The following CFAP410 variants were observed in gnomAD, a reference collection of about 807,000 sequenced individuals.
CFAP410 encodes the protein cilia- and flagella-associated protein 410.
A neutral mutation model predicts 25.7 loss-of-function variants in CFAP410; 27 were observed. The ratio of observed to expected loss-of-function variants is 1.05; its 90% CI spans 0.77 to 1.45. The LOEUF (loss-of-function observed/expected upper bound fraction) is 1.45, where lower values mean the gene tolerates loss of function less well. Among genes scored for constraint, CFAP410 ranks in the 40% most tolerant of loss-of-function variants. The probability of loss-of-function intolerance (pLI) is 0.00; values close to 1 mark genes in which losing one functional copy is unlikely to be tolerated. For synonymous variants in CFAP410, 178 were observed against 158.4 expected (o/e 1.12, Z -0.93); for missense variants, 428 against 354.1 (o/e 1.21, Z -1.67).
At chr21:44,331,705 GAACA>G in intron 5 of CFAP410, 134 bp downstream of exon 5, 1 of 794,538 alleles carries the variant, frequency 1.3e-6, no homozygotes, top group Non-Finnish European at 1.9e-6. Flanking sequence ...ATATGGATGA[GAACA>G]GACACTCCCC....
rs1443481081 is a variant in CFAP410 at position 44,329,308 on chromosome 21, G to A, written c.*890C>T. 6.6e-6 allele frequency: 1 copy of A among 152,364 alleles called. No homozygotes were observed. Among genetic ancestry groups the A allele is most frequent in the Non-Finnish European group, 1.5e-5 (1 of 68,066 alleles). 9.4% of individuals were successfully genotyped at this position (152,364 alleles called of 1,614,324 possible). A position where few individuals can be genotyped will look rare whatever the true frequency, so the allele number is the denominator to read the frequency against. On this transcript the variant is annotated 3_prime_UTR_variant, in exon 7 of 7. Coordinates refer to ENST00000339818, the MANE Select transcript of CFAP410 (RefSeq NM_004928.3). ...GGAGATCTGGATCTCAACCCCACATGGGACAAGGGCCCAGGGACCTGGCTT... is the reference window on the plus strand; with the variant it reads ...GGAGATCTGGATCTCAACCCCACATAGGACAAGGGCCCAGGGACCTGGCTT...
intron 1 of CFAP410, 21 bp downstream of exon 1, chr21:44,339,097 C>T: frequency 1.4e-6 from 2 of 1,410,522 alleles, no homozygotes; most frequent in Non-Finnish European, 1.9e-6. Context: ...CCGGGGCGGC[C>T]GCGGCCAGGC....
At chr21:44,338,471 C>A in intron 1 of CFAP410, 1 of 412,282 alleles carries the variant, frequency 2.4e-6, no homozygotes, top group Non-Finnish European at 4.7e-6. Flanking sequence ...ACCGCACCCA[C>A]GTCCCTTCCT....
Position 44,339,313 on chromosome 21 carries a change from C to T in CFAP410, c.-119G>A. ...GCGTCGTCAGGGGCGGATCCTGAGC[C>T]GATTGGCGGCTCGGTGAGGAGAGCG... On this transcript the variant is annotated 5_prime_UTR_variant, in exon 1 of 7. Coordinates refer to ENST00000339818, the MANE Select transcript of CFAP410 (RefSeq NM_004928.3). 1.8e-6 allele frequency: 1 copy of T among 568,552 alleles called. No individual in the cohort carries two copies. Among genetic ancestry groups the T allele is most frequent in the Non-Finnish European group, 2.8e-6 (1 of 361,208 alleles). The allele number at this position is 568,552 out of a possible 1,614,324, so 35.2% of individuals were successfully genotyped here.
chr21:44,339,163 C>T lies in CFAP410; in HGVS notation c.32G>A (p.Arg11Gln), dbSNP rs1048770086. MKLTRKMVLT[R>Q]AKASELHSVR... Reference sequence around the variant, plus strand: ...GCTGTGCAGCTCCGAGGCCTTGGCCCGGGTCAGAACCATCTTCCGCGTCAG... The same window carrying T: ...GCTGTGCAGCTCCGAGGCCTTGGCCTGGGTCAGAACCATCTTCCGCGTCAG... The change falls in exon 1 of 7, where the codon CGG (arginine) becomes CAG (glutamine). Residue 11 changes from arginine (R) to glutamine (Q), a missense_variant. By Grantham distance (43) the Arg-to-Gln change is conservative. Coordinates refer to ENST00000339818, the MANE Select transcript of CFAP410 (RefSeq NM_004928.3). 4.1e-6 allele frequency: 6 copies of T among 1,472,122 alleles called. No homozygotes were observed. In the African/African-American group the frequency reaches 4.4e-5, roughly 11 times the overall value. The allele number at this position is 1,472,122 out of a possible 1,614,324, so 91.2% of individuals were successfully genotyped here.
intron 1 of CFAP410, chr21:44,338,734 G>GC (rs527366002): frequency 0.3 from 19,768 of 65,890 alleles, 4,366 homozygotes; most frequent in African/African-American, 0.52. Flanking sequence ...CGCCGCCCTC[G>GC]CCCCTGCCCC....
chr21:44,337,764 C>G, intron 1 of CFAP410, 97 bp from the exon 2 acceptor site: 1 of 974,508 alleles, frequency 1.0e-6, no homozygotes, highest in Non-Finnish European at 1.6e-6. Flanking sequence ...TCCCTACAAA[C>G]CTTAAGATTC....
chr21:44,337,643 A>T lies in CFAP410; in HGVS notation c.96+6T>A, dbSNP rs758835278. On this transcript the variant is annotated splice_donor_region_variant and intron_variant, in intron 2 of 6. Transcript: ENST00000339818. ...GCAATACTTACATCTGTGAGGCAAT[A>T]CTTACATCTGTGAGGCGGCTGCCCC... is the stretch of plus-strand genomic sequence containing the variant. 80 of 1,612,272 alleles carry T rather than the reference A, an allele frequency of 5.0e-5. No individual in the cohort carries two copies. The highest frequency in any genetic ancestry group is 6.7e-5 in the Non-Finnish European group (79 of 1,178,608).
At chr21:44,333,602 CAT>C (rs1176273708) in intron 3 of CFAP410, 9 of 428,886 alleles carry the variant, frequency 2.1e-5, no homozygotes, top group Non-Finnish European at 3.8e-5. Context: ...TCTCAGGGGA[CAT>C]ATCATGTTGC....
intron 3 of CFAP410, chr21:44,335,358 C>A (rs572979996): frequency 7.3e-5 from 18 of 248,272 alleles, no homozygotes; most frequent in Non-Finnish European, 1.3e-4. Context: ...CAGAAGAGGC[C>A]AGGACTCTGG....
At position 44,332,170 on chromosome 21, in the gene CFAP410, C is replaced by T. The variant is rs1055613435; in HGVS notation, c.374-156G>A. On this transcript the variant is annotated intron_variant, in intron 4 of 6. Transcript: ENST00000339818. ...CCAGGGACAACTCCCAGAGTAGCAG[C>T]CGGTTCCTCACTGTCCCATCCCCAG... The T allele has an allele frequency of 8.4e-6, 5 of 598,468 alleles. No homozygotes were observed. In the Admixed American group the frequency reaches 1.5e-4, roughly 18 times the overall value. The allele number at this position is 598,468 out of a possible 1,614,324, so 37.1% of individuals were successfully genotyped here. A position where few individuals can be genotyped will look rare whatever the true frequency, so the allele number is the denominator to read the frequency against.
At position 44,339,122 on chromosome 21, in the gene CFAP410, A is replaced by G; in HGVS notation, c.73T>C (p.Cys25Arg). 6.9e-7 allele frequency: 1 copy of G among 1,444,296 alleles called. No individual in the cohort carries two copies. The highest frequency in any genetic ancestry group is 9.2e-7 in the Non-Finnish European group (1 of 1,091,744). The allele number at this position is 1,444,296 out of a possible 1,614,324, so 89.5% of individuals were successfully genotyped here. ...SELHSVRKLN[C>R]WGSRLTDISI... is the part of the protein sequence containing the mutation. ...CGCGGCCAGGCCCCGCCTCACCAGC[A>G]GTTGAGCTTGCGCACGCTGTGCAGC... The change falls in exon 1 of 7, where the codon TGC (cysteine) becomes CGC (arginine). Residue 25 changes from cysteine to arginine, a missense_variant. Transcript: ENST00000339818.
intron 4 of CFAP410, 93 bp downstream of exon 4, chr21:44,332,940 A>G (rs2146067340): frequency 1.2e-6 from 1 of 833,758 alleles, no homozygotes; most frequent in South Asian, 1.7e-5. Flanking sequence ...CAGACCAGGT[A>G]TTTGCAGAAA....
chr21:44,339,288 G>GA lies in CFAP410; in HGVS notation c.-95_-94insT, dbSNP rs1224784038. On this transcript the variant is annotated 5_prime_UTR_variant, in exon 1 of 7. Coordinates refer to ENST00000339818, the MANE Select transcript of CFAP410 (RefSeq NM_004928.3). ...GCGCGTGTCTCCAGGGGCGGGGCCC[G>GA]CGTCGTCAGGGGCGGATCCTGAGCC... The GA allele has an allele frequency of 4.0e-6, 3 of 755,596 alleles. No individual in the cohort carries two copies. In the African/African-American group the frequency reaches 5.6e-5, roughly 14 times the overall value. 46.8% of individuals were successfully genotyped at this position (755,596 alleles called of 1,614,324 possible).
At chr21:44,334,676 C>T (rs528067846) in intron 3 of CFAP410, 8 of 253,332 alleles carry the variant, frequency 3.2e-5, no homozygotes, top group Middle Eastern at 1.5e-3. Context: ...GGCCATGCCT[C>T]GCCCAAGGTT....
chr21:44,334,410 T>A (rs2047709411), intron 3 of CFAP410: 2 of 383,490 alleles, frequency 5.2e-6, no homozygotes, highest in Non-Finnish European at 1.0e-5. Flanking sequence ...CAGGTAAGCC[T>A]TTCGGAGGCA....
chr21:44,339,384 T>C lies in CFAP410; in HGVS notation c.-190A>G. On this transcript the variant is annotated 5_prime_UTR_variant, in exon 1 of 7. Coordinates refer to ENST00000339818, the MANE Select transcript of CFAP410 (RefSeq NM_004928.3). ...GGCCGCTTGGGCGCCGCTGACACGT[T>C]GGCTCTGCTCCTGCTCATGCGCGGC... The C allele has an allele frequency of 1.7e-5, 7 of 419,608 alleles. No individual in the cohort carries two copies. Among genetic ancestry groups the C allele is most frequent in the Non-Finnish European group, 3.0e-5 (7 of 237,116 alleles). 26.0% of individuals were successfully genotyped at this position (419,608 alleles called of 1,614,324 possible).
At chr21:44,330,994 G>A (rs568842895) in intron 5 of CFAP410, 75 bp from the exon 6 acceptor site, 41 of 1,319,388 alleles carry the variant, frequency 3.1e-5, no homozygotes, top group East Asian at 2.8e-4. Context: ...CCCTGTCTGC[G>A]GGTCGCATCC....
Position 44,333,167 on chromosome 21 carries a change from A to C in CFAP410, c.239T>G (p.Leu80Arg). 6.2e-7 allele frequency: 1 copy of C among 1,612,786 alleles called. No homozygotes were observed. Among genetic ancestry groups the C allele is most frequent in the South Asian group, 1.1e-5 (1 of 91,066 alleles). Residue 80 changes from leucine to arginine, a missense_variant, in exon 4 of 7, where the codon CTC (leucine) becomes CGC (arginine). Leu to Arg is a moderately radical substitution (Grantham distance 102). Transcript: ENST00000339818. The stretch of plus-strand genomic sequence containing the variant: ...ACGCGGCAGCCCCTTCAGGTAGAAG[A>C]GCTCAGCCAGGCTGGGGATGCGGTT... Reference protein sequence around the residue: ...RRNRIPSLAELFYLKGLPRLR... With the variant: ...RRNRIPSLAERFYLKGLPRLR...
Sources: gnomAD v4.1 joint callset for allele counts on GRCh38, gnomAD v4.1.1 for gene constraint, MANE v1.5 for transcripts, NCBI Gene and HGNC (gene_info 2026-07-23, HGNC 2026-07-21) for gene names.